Variants in EVC2 observed in about 807,000 individuals in gnomAD.
The protein encoded by EVC2 is limbin.
A neutral mutation model predicts 149.3 loss-of-function variants in EVC2; 148 were observed. The observed-to-expected ratio is 0.99, with a 90% CI of 0.87 to 1.14. EVC2 has a LOEUF of 1.14. Ranked by LOEUF, EVC2 falls within the 50% of genes most tolerant of loss-of-function variation. The pLI, the probability that EVC2 is intolerant of heterozygous loss-of-function variation, is 0.00. For synonymous variants in EVC2, 776 were observed against 649.9 expected (o/e 1.19, Z -2.95); for missense variants, 1,854 against 1,627.3 (o/e 1.14, Z -2.40).
At chr4:5,615,225 C>A (rs565537696) in intron 16 of EVC2, among the ~76,000 whole-genome samples, 197 bp downstream of exon 16, 1 of 152,244 alleles carries the variant, frequency 6.6e-6, no homozygotes, top group South Asian at 2.1e-4. Context: ...GAGAGGGTTC[C>A]AAACAGAATG....
intron 8 of EVC2, among the ~76,000 whole-genome samples, chr4:5,663,923 A>T (rs1016569935): frequency 6.6e-6 from 1 of 152,160 alleles, no homozygotes. Context: ...TCTGTCTCAA[A>T]AAAATAAAGA....
chr4:5,655,850 C>T (rs1362008617), intron 9 of EVC2, among the ~76,000 whole-genome samples: 1 of 151,818 alleles, frequency 6.6e-6, no homozygotes, highest in African/African-American at 2.4e-5. Flanking sequence ...AAGAGAGGGG[C>T]ATTATTTATG....
At chr4:5,646,055 C>G (rs1276316231) in intron 9 of EVC2, among the ~76,000 whole-genome samples, 1 of 152,158 alleles carries the variant, frequency 6.6e-6, no homozygotes, top group Non-Finnish European at 1.5e-5. Flanking sequence ...CCTCCGCCTC[C>G]TGAGTACCTG....
At chr4:5,548,827 A>G (rs1016489017) in intron 21 of EVC2, among the ~76,000 whole-genome samples, 1 of 152,212 alleles carries the variant, frequency 6.6e-6, no homozygotes, top group Non-Finnish European at 1.5e-5. Context: ...ACAAAGGAAA[A>G]ATAAAAGAAA....
Position 5,576,248 on chromosome 4 carries a change from A to G in EVC2, c.3264T>C (p.His1088=), listed in dbSNP as rs756868538. ...LSKSQTLLEQ[H]QQCLREEQQN... ...CGGGGCACACGGCATACCACTGCTG[A>G]TGTTGCTCCAGTAATGTCTGGCTCT... is the stretch of plus-strand genomic sequence containing the variant. The change falls in exon 18 of 22, where the codon CAT becomes CAC. Residue 1088 remains histidine, a synonymous_variant. Transcript: ENST00000344408. This position sits in a 1 kb window ranked among gnomAD's most constrained non-coding sequence, Gnocchi z 4.5. 6 of 1,614,028 alleles carry G rather than the reference A, an allele frequency of 3.7e-6. No homozygotes were observed. The highest frequency in any genetic ancestry group is 1.6e-4 in the Middle Eastern group (1 of 6,084).
chr4:5,619,070 A>G (rs1003359447), intron 14 of EVC2, among the ~76,000 whole-genome samples: 3 of 152,166 alleles, frequency 2.0e-5, no homozygotes, highest in Non-Finnish European at 2.9e-5. Flanking sequence ...GGAGAGACAC[A>G]CAAAACTCAG....
the EVC2 span, among the ~76,000 whole-genome samples, chr4:5,531,026 T>C: frequency 2.6e-5 from 4 of 152,182 alleles, no homozygotes; most frequent in Non-Finnish European, 5.9e-5. Flanking sequence ...ATGCATTTAA[T>C]TCTCACAATA....
chr4:5,558,921 G>A (rs1721889295), downstream of EVC2, among the ~76,000 whole-genome samples: 1 of 152,140 alleles, frequency 6.6e-6, no homozygotes, highest in South Asian at 2.1e-4. Flanking sequence ...GGCCAGGTGT[G>A]GTGGCTTACA....
intron 12 of EVC2, among the ~76,000 whole-genome samples, chr4:5,626,331 GT>G (rs34539817): frequency 0.32 from 40,031 of 124,460 alleles, 5,862 homozygotes; most frequent in East Asian, 0.5. Context: ...CGTTCTTCTT[GT>G]TTTTTTTTTT....
chr4:5,610,812 G>C (rs200387528), intron 16 of EVC2, among the ~76,000 whole-genome samples: 3 of 51,244 alleles, frequency 5.9e-5, no homozygotes, highest in African/African-American at 1.8e-4. Flanking sequence ...TTTTTTTTTT[G>C]CCAAATGCCT....
chr4:5,543,722 T>C (rs1721560474), intron 21 of EVC2, among the ~76,000 whole-genome samples: 1 of 151,886 alleles, frequency 6.6e-6, no homozygotes, highest in African/African-American at 2.4e-5. Flanking sequence ...AAACCCCAGG[T>C]AGGTAAGAGG....
At chr4:5,565,693 T>A (rs887995405) in intron 20 of EVC2, among the ~76,000 whole-genome samples, 1 of 148,246 alleles carries the variant, frequency 6.7e-6, no homozygotes, top group African/African-American at 2.5e-5. Context: ...AAAAAAAGAA[T>A]AGAATCTTTA....
chr4:5,698,116 T>C (rs149023063), intron 1 of EVC2, among the ~76,000 whole-genome samples: 5 of 152,070 alleles, frequency 3.3e-5, no homozygotes, highest in Non-Finnish European at 7.4e-5. Context: ...CCCGGCAGCT[T>C]CTGAGTAAAG....
At chr4:5,708,721 C>T (rs951815601), upstream of EVC2, 9 of 453,552 alleles carry the variant, frequency 2.0e-5, no homozygotes, top group Non-Finnish European at 3.4e-5. Context: ...GGCCCAGGCG[C>T]CCGGCGGCCA....
intron 4 of EVC2, among the ~76,000 whole-genome samples, chr4:5,690,173 G>A (rs115539454): frequency 2.6e-5 from 4 of 152,322 alleles, no homozygotes; most frequent in Non-Finnish European, 5.9e-5. Flanking sequence ...GGCAGAAAAA[G>A]TCACTAGAAG....
At chr4:5,673,433 C>G (rs1719789752) in intron 7 of EVC2, among the ~76,000 whole-genome samples, 1 of 152,206 alleles carries the variant, frequency 6.6e-6, no homozygotes, top group South Asian at 2.1e-4. Flanking sequence ...GTAAATCATA[C>G]TTCTGAGATT....
rs115091061 is a variant in EVC2, at chr4:5,552,409, T to C, written c.3420-9197A>G. On this transcript the variant is annotated intron_variant and NMD_transcript_variant, in intron 21 of 22. Coordinates refer to the EVC2 transcript ENST00000475313. ...GTGTACCTTTTTCTATTTCTTAGAG[T>C]TAATAACTGGCTTGTATAAAAAAGG... Among the ~76,000 whole-genome samples, 897 of 152,274 alleles carry C rather than the reference T, an allele frequency of 5.9e-3. 4 individuals carry two copies. The highest frequency in any genetic ancestry group is 0.02 in the African/African-American group (833 of 41,532).
At chr4:5,582,898 T>A (rs757378599) in intron 17 of EVC2, among the ~76,000 whole-genome samples, 3 of 152,192 alleles carry the variant, frequency 2.0e-5, no homozygotes, top group Non-Finnish European at 4.4e-5. Flanking sequence ...TCTGGCTATG[T>A]AAGACATGCC....
rs576901938 is a variant in EVC2 at position 5,602,241 on chromosome 4, G to T, written c.2829+13181C>A. On this transcript the variant is annotated intron_variant, in intron 16 of 21. Transcript: ENST00000344408. ...GGAGTTCAAGGTTACAGTGAGCTAT[G>T]ACTGTGCCACTGCACTCAACCCTGA... Among the ~76,000 whole-genome samples the T allele has an allele frequency of 1.8e-3, 254 of 144,652 alleles. 4 individuals carry two copies. Among genetic ancestry groups the T allele is most frequent in the Non-Finnish European group, 1.3e-4 (9 of 67,118 alleles). 94.9% of individuals were successfully genotyped at this position (144,652 alleles called of 152,430 possible). A position where few individuals can be genotyped will look rare whatever the true frequency, so the allele number is the denominator to read the frequency against.
Sources: gnomAD v4.1 joint callset for allele counts (sites outside exome capture counted in the v4.1 genomes callset) on GRCh38, gnomAD v4.1.1 for gene constraint, Gnocchi (gnomAD v3.1) non-coding constraint, MANE v1.5 for transcripts, NCBI Gene and HGNC (gene_info 2026-07-23, HGNC 2026-07-21) for gene names.